SYTL2: variants seen among roughly 807,000 people sequenced by gnomAD.
SYTL2 encodes synaptotagmin-like protein 2.
A neutral mutation model predicts 198.7 loss-of-function variants in SYTL2; 165 were observed. The observed-to-expected ratio is 0.83, with a 90% CI of 0.73 to 0.94. The LOEUF is 0.94. Ranked by LOEUF, SYTL2 falls within the 40% of genes least tolerant of loss-of-function variation. SYTL2 has a pLI of 0.00. For missense variants in SYTL2, 2,835 were observed against 2,582.8 expected (o/e 1.10, Z -2.12); for synonymous variants, 966 against 917.7 (o/e 1.05, Z -0.95).
the SYTL2 span, among the ~76,000 whole-genome samples, chr11:85,822,408 A>G: frequency 6.6e-6 from 1 of 152,226 alleles, no homozygotes; most frequent in Admixed American, 6.5e-5. Flanking sequence ...TTATTCTGCC[A>G]GGGCAGAGAA....
chr11:85,795,534 A>G (rs1349130572), intron 1 of SYTL2, among the ~76,000 whole-genome samples: 1 of 152,220 alleles, frequency 6.6e-6, no homozygotes, highest in African/African-American at 2.4e-5. Context: ...TGTATTTTCT[A>G]GAGCCCAAGG....
intron 1 of SYTL2, among the ~76,000 whole-genome samples, chr11:85,788,746 G>A (rs906711645): frequency 6.6e-6 from 1 of 151,116 alleles, no homozygotes; most frequent in Non-Finnish European, 1.5e-5. Context: ...TTGACAATAT[G>A]CATTACAAGT....
At chr11:85,814,180 T>C (rs1592110728), upstream of SYTL2, among the ~76,000 whole-genome samples, 1 of 152,160 alleles carries the variant, frequency 6.6e-6, no homozygotes, top group African/African-American at 2.4e-5. Context: ...AGAGTTATTA[T>C]AGTTTTTGGA....
chr11:85,758,702 G>A (rs1003262067), intron 1 of SYTL2, among the ~76,000 whole-genome samples: 14 of 152,182 alleles, frequency 9.2e-5, no homozygotes, highest in African/African-American at 3.4e-4. Context: ...CTACCTGTGT[G>A]TGTATATAAA....
At chr11:85,796,437 G>A (rs1455620942) in intron 1 of SYTL2, among the ~76,000 whole-genome samples, 1 of 152,138 alleles carries the variant, frequency 6.6e-6, no homozygotes, top group Admixed American at 6.5e-5. Context: ...GTGAATCCGA[G>A]GCAAATATTG....
chr11:85,708,088 G>A (rs184151681), intron 14 of SYTL2: 25 of 421,994 alleles, frequency 5.9e-5, no homozygotes, highest in South Asian at 1.2e-4. Flanking sequence ...GCTTGAACCC[G>A]GGAGGCGAAG....
chr11:85,774,215 C>T (rs1000722727), intron 1 of SYTL2, among the ~76,000 whole-genome samples: 1 of 152,148 alleles, frequency 6.6e-6, no homozygotes, highest in African/African-American at 2.4e-5. Flanking sequence ...AGAGAAGGAA[C>T]TGACATTTAA....
At chr11:85,778,038 CCAA>C (rs2092487272) in intron 1 of SYTL2, among the ~76,000 whole-genome samples, 3 of 151,942 alleles carry the variant, frequency 2.0e-5, no homozygotes, top group African/African-American at 2.4e-5. Flanking sequence ...AGGCTGGTCT[CCAA>C]CGCCTGACCT....
chr11:85,712,527 C>A (rs2086483083), intron 12 of SYTL2, among the ~76,000 whole-genome samples: 1 of 152,124 alleles, frequency 6.6e-6, no homozygotes, highest in Non-Finnish European at 1.5e-5. Context: ...CCTAGTTCAA[C>A]CCTATACCCC....
Position 85,714,345 on chromosome 11 carries a change from A to G in SYTL2, c.5625+68T>C, listed in dbSNP as rs927108096. ...CTCTGCCACAGTGGAATACAAACAC[A>G]CCAACCTTGGCATAGCAATTCCAAC... On this transcript the variant is annotated intron_variant, in intron 12 of 19. Transcript: ENST00000359152. The G allele has an allele frequency of 3.1e-6, 4 of 1,305,930 alleles. No individual in the cohort carries two copies. In the African/African-American group the frequency reaches 5.8e-5, roughly 19 times the overall value. 80.9% of individuals were successfully genotyped at this position (1,305,930 alleles called of 1,614,324 possible).
chr11:85,815,306 ATATAAT>A (rs1363671059), upstream of SYTL2, among the ~76,000 whole-genome samples: 1 of 152,248 alleles, frequency 6.6e-6, no homozygotes, highest in African/African-American at 2.4e-5. Flanking sequence ...CTAAAATGCT[ATATAAT>A]TATATCTGGC....
chr11:85,802,212 TTTC>T (rs1294456432), intron 1 of SYTL2, among the ~76,000 whole-genome samples: 1 of 129,454 alleles, frequency 7.7e-6, no homozygotes, highest in African/African-American at 2.7e-5. Context: ...TTTTCTTCTT[TTTC>T]TTTTCTTTTT....
At chr11:85,765,126 T>C (rs569655524) in intron 1 of SYTL2, among the ~76,000 whole-genome samples, 3 of 152,226 alleles carry the variant, frequency 2.0e-5, no homozygotes, top group Non-Finnish European at 4.4e-5. Flanking sequence ...TGGTTCAAGG[T>C]AGCCTCTTAA....
intron 5 of SYTL2, 56 bp from the exon 6 acceptor site, chr11:85,736,671 T>G: frequency 1.1e-6 from 1 of 873,910 alleles, no homozygotes; most frequent in Non-Finnish European, 1.9e-6. Context: ...AGCAACTCAG[T>G]GTTGGCAAAT....
upstream of SYTL2, among the ~76,000 whole-genome samples, chr11:85,812,113 A>G (rs947695890): frequency 3.3e-5 from 5 of 152,214 alleles, no homozygotes; most frequent in African/African-American, 7.2e-5. Flanking sequence ...TCTCAAAAAA[A>G]TAAATAAAAT....
Position 85,714,489 on chromosome 11 carries a change from T to C in SYTL2, c.5549A>G (p.Gln1850Arg), listed in dbSNP as rs1323748723. Residue 1850 changes from glutamine (Q) to arginine (R), a missense_variant, in exon 12 of 20, where the codon CAA becomes CGA. By Grantham distance (43) the Gln-to-Arg change is conservative. This residue lies in a region of SYTL2 where 2,645 missense variants were observed against 2,381.7 expected (regional missense o/e 1.11). Transcript: ENST00000359152. ...CVPRISTVPT[Q>R]PDNPFSHPDK... ...AGGGTGAGAAAATGGATTATCAGGT[T>C]GTGTAGGCACTGTGGAAACTAAACA... is the stretch of plus-strand genomic sequence containing the variant. The C allele has an allele frequency of 1.9e-6, 3 of 1,613,498 alleles. No individual in the cohort carries two copies. Among genetic ancestry groups the C allele is most frequent in the Admixed American group, 3.3e-5 (2 of 60,022 alleles).
intron 12 of SYTL2, among the ~76,000 whole-genome samples, 175 bp downstream of exon 12, chr11:85,714,238 T>C (rs561476055): frequency 4.6e-5 from 7 of 152,378 alleles, no homozygotes; most frequent in African/African-American, 1.4e-4. Context: ...TCAAATGAGA[T>C]GTGCCTTTCC....
At chr11:85,836,892 A>G in the SYTL2 span, among the ~76,000 whole-genome samples, 1 of 152,214 alleles carries the variant, frequency 6.6e-6, no homozygotes, top group East Asian at 1.9e-4. Context: ...TAGAATTTAG[A>G]TACATAGACA....
chr11:85,801,854 A>C (rs1472268100), intron 1 of SYTL2, among the ~76,000 whole-genome samples: 1 of 146,564 alleles, frequency 6.8e-6, no homozygotes, highest in Non-Finnish European at 1.5e-5. Context: ...GGAGTCTTAC[A>C]CTGTCGCTGG....
Sources: allele counts gnomAD v4.1 joint callset (sites outside exome capture counted in the v4.1 genomes callset), GRCh38; gene constraint gnomAD v4.1.1; regional missense constraint gnomAD v4.1.1; transcripts MANE v1.5; gene names NCBI Gene and HGNC (gene_info 2026-07-23, HGNC 2026-07-21).